Variants in ADD3 observed in about 807,000 individuals in gnomAD.
ADD3 encodes the protein gamma-adducin.
In ADD3, 25 loss-of-function variants were observed where a neutral mutation model predicts 80.2. The ratio of observed to expected loss-of-function variants is 0.31; its 90% CI spans 0.23 to 0.44. The LOEUF (loss-of-function observed/expected upper bound fraction) is 0.44, where lower values mean the gene tolerates loss of function less well. ADD3 is among the 20% of genes least tolerant of loss of function. The pLI, the probability that ADD3 is intolerant of heterozygous loss-of-function variation, is 1.00. For missense variants in ADD3, 829 were observed against 847.5 expected (o/e 0.98, Z 0.27); for synonymous variants, 284 against 289.6 (o/e 0.98, Z 0.20).
At chr10:110,073,500 G>GAAGTACATGGAATAAGTATGTA (rs1162536442) in intron 1 of ADD3, among the ~76,000 whole-genome samples, 2 of 152,318 alleles carry the variant, frequency 1.3e-5, no homozygotes, top group Non-Finnish European at 2.9e-5. Flanking sequence ...GGTTGCTGTG[G>GAAGTACATGGAATAAGTATGTA]AAGTACATGG....
chr10:110,033,881 A>G (rs1451020571), intron 1 of ADD3, among the ~76,000 whole-genome samples: 1 of 152,220 alleles, frequency 6.6e-6, no homozygotes, highest in Non-Finnish European at 1.5e-5. Context: ...AATGTAGATC[A>G]TTAGTTCTAA....
chr10:110,017,301 T>G (rs1853120076), intron 1 of ADD3, among the ~76,000 whole-genome samples: 1 of 152,242 alleles, frequency 6.6e-6, no homozygotes, highest in East Asian at 1.9e-4. Flanking sequence ...TTTCTGTTGT[T>G]GTTTTTAAGG....
intron 1 of ADD3, among the ~76,000 whole-genome samples, chr10:110,024,806 T>A (rs912285223): frequency 6.6e-6 from 1 of 152,242 alleles, no homozygotes; most frequent in African/African-American, 2.4e-5. Context: ...AAAATCCATT[T>A]ATTTTTTAAA....
At chr10:110,043,074 AACTT>A (rs2133315069) in intron 1 of ADD3, among the ~76,000 whole-genome samples, 1 of 152,334 alleles carries the variant, frequency 6.6e-6, no homozygotes, top group Non-Finnish European at 1.5e-5. Flanking sequence ...TGACTTTGAA[AACTT>A]ACTTGCAGGC....
intron 1 of ADD3, among the ~76,000 whole-genome samples, chr10:110,085,931 C>T (rs565909184): frequency 2.6e-5 from 4 of 151,782 alleles, no homozygotes; most frequent in Admixed American, 2.6e-4. Context: ...CATGGAGAAA[C>T]CCCTTCTCTA....
chr10:110,030,121 C>G (rs531790297), intron 1 of ADD3, among the ~76,000 whole-genome samples: 1 of 151,466 alleles, frequency 6.6e-6, no homozygotes, highest in Admixed American at 6.6e-5. Context: ...GTCGGGAGTT[C>G]GAGACCAGCC....
chr10:110,104,677 G>A (rs1449197458), intron 2 of ADD3, among the ~76,000 whole-genome samples: 3 of 152,182 alleles, frequency 2.0e-5, no homozygotes, highest in Non-Finnish European at 1.5e-5. Flanking sequence ...GGGAAATCAG[G>A]AGAGAAATTA....
chr10:110,066,344 G>T (rs1404690297), intron 1 of ADD3, among the ~76,000 whole-genome samples: 1 of 151,966 alleles, frequency 6.6e-6, no homozygotes, highest in African/African-American at 2.4e-5. Flanking sequence ...GGTTCAAGCA[G>T]TTCTGCCTCA....
intron 1 of ADD3, among the ~76,000 whole-genome samples, chr10:110,097,782 T>C (rs1457893880): frequency 2.6e-5 from 4 of 151,152 alleles, no homozygotes; most frequent in Non-Finnish European, 3.0e-5. Flanking sequence ...TTTTTCTTTT[T>C]TTTTTTTTTT....
intron 1 of ADD3, among the ~76,000 whole-genome samples, chr10:110,019,710 C>T (rs1277195288): frequency 6.6e-6 from 1 of 152,090 alleles, no homozygotes; most frequent in Non-Finnish European, 1.5e-5. Context: ...TTTTAAGATT[C>T]ATCTGTGCTT....
At chr10:110,010,177 A>G (rs184050378) in intron 1 of ADD3, among the ~76,000 whole-genome samples, 1 of 152,302 alleles carries the variant, frequency 6.6e-6, no homozygotes, top group Non-Finnish European at 1.5e-5. Context: ...CCCAACTCCT[A>G]CACACAATCC....
intron 4 of ADD3, 96 bp from the exon 5 acceptor site, chr10:110,117,246 C>T: frequency 3.4e-6 from 2 of 590,786 alleles, no homozygotes; most frequent in African/African-American, 1.9e-5. Flanking sequence ...TTTTCCTGAT[C>T]TCTTACAATT....
upstream of ADD3, among the ~76,000 whole-genome samples, chr10:110,005,399 C>T (rs1851586701): frequency 6.6e-6 from 1 of 152,152 alleles, no homozygotes; most frequent in Non-Finnish European, 1.5e-5. Context: ...CACATTGAAA[C>T]CTGTCAACAA....
At chr10:110,038,031 TGCACTCCAGCCTGG>T (rs571630968) in intron 1 of ADD3, among the ~76,000 whole-genome samples, 1 of 137,336 alleles carries the variant, frequency 7.3e-6, no homozygotes, top group Non-Finnish European at 1.5e-5. Context: ...ATGGTGCCAT[TGCACTCCAGCCTGG>T]GCAACAAGAG....
chr10:110,055,961 A>T (rs1185540198), intron 1 of ADD3, among the ~76,000 whole-genome samples: 1 of 152,234 alleles, frequency 6.6e-6, no homozygotes, highest in East Asian at 1.9e-4. Flanking sequence ...ACATAAATCC[A>T]TGCTAACGAC....
upstream of ADD3, among the ~76,000 whole-genome samples, chr10:110,005,386 G>A (rs531474603): frequency 6.6e-6 from 1 of 152,258 alleles, no homozygotes; most frequent in African/African-American, 2.4e-5. Context: ...TATCACATGA[G>A]CACACATTGA....
chr10:110,123,944 A>G (rs1851825694), intron 9 of ADD3, 73 bp from the exon 10 acceptor site: 2 of 1,451,044 alleles, frequency 1.4e-6, no homozygotes, highest in Non-Finnish European at 1.9e-6. Flanking sequence ...ATTTGTATAC[A>G]AAAGGAATTA....
chr10:110,031,513 G>A (rs906101989), intron 1 of ADD3, among the ~76,000 whole-genome samples: 1 of 152,154 alleles, frequency 6.6e-6, no homozygotes, highest in African/African-American at 2.4e-5. Flanking sequence ...TCTAGAACCA[G>A]TGTTCTTTCA....
At chr10:110,046,540 C>G (rs1856933143) in intron 1 of ADD3, among the ~76,000 whole-genome samples, 1 of 151,490 alleles carries the variant, frequency 6.6e-6, no homozygotes, top group African/African-American at 2.4e-5. Context: ...GATATAAAAT[C>G]TCATCTAAAG....
Sources: gnomAD v4.1 joint callset for allele counts (sites outside exome capture counted in the v4.1 genomes callset) on GRCh38, gnomAD v4.1.1 for gene constraint, MANE v1.5 for transcripts, NCBI Gene and HGNC (gene_info 2026-07-23, HGNC 2026-07-21) for gene names.